CALCRL: variants seen among roughly 807,000 people sequenced by gnomAD.
The protein encoded by CALCRL is calcitonin receptor like receptor, also known as calcitonin gene-related peptide type 1 receptor.
In CALCRL, 27 loss-of-function variants were observed where a neutral mutation model predicts 60.4. The observed-to-expected ratio is 0.45, with a 90% CI of 0.33 to 0.62. The LOEUF (loss-of-function observed/expected upper bound fraction) is 0.62, where lower values mean the gene tolerates loss of function less well. Among genes scored for constraint, CALCRL ranks in the 20% least tolerant of loss-of-function variants. CALCRL has a pLI of 0.03. For missense variants in CALCRL, 424 were observed against 540.7 expected, an observed-to-expected ratio of 0.78 and a Z score of 2.14; for synonymous variants, 190 against 182.6, an observed-to-expected ratio of 1.04 and a Z score of -0.33.
At chr2:187,373,183 G>A (rs1360094218) in intron 8 of CALCRL, among the ~76,000 whole-genome samples, 1 of 151,982 alleles carries the variant, frequency 6.6e-6, no homozygotes, top group African/African-American at 2.4e-5. Context: ...GCTAAGCCCC[G>A]AGATGTGTAA....
chr2:187,346,515 A>G, intron 14 of CALCRL, 116 bp from the exon 15 acceptor site: 1 of 670,166 alleles, frequency 1.5e-6, no homozygotes, highest in South Asian at 2.0e-5. Flanking sequence ...AAAAAAAGTT[A>G]TGTTAATCAG....
In CALCRL at chr2:187,435,569, TC is replaced by T. The variant is rs1690599547; in HGVS notation, c.-293+12469del. Among the ~76,000 whole-genome samples, 5 of 152,258 alleles carry T rather than the reference TC, an allele frequency of 3.3e-5. No individual in the cohort carries two copies. In the South Asian group the frequency reaches 1.0e-3, roughly 32 times the overall value. ...ATAATATTCTACATACAAGAAATGT[TC>T]TTAATTATAAAGGTTTTTGTAGAAA... On this transcript the variant is annotated intron_variant, in intron 1 of 14. Coordinates refer to ENST00000392370, the MANE Select transcript of CALCRL (RefSeq NM_005795.6).
intron 12 of CALCRL, among the ~76,000 whole-genome samples, chr2:187,358,201 T>A (rs1011989): frequency 0.79 from 119,460 of 151,718 alleles, 47,479 homozygotes; most frequent in Middle Eastern, 0.86. Context: ...AAAAAATTTT[T>A]AAAAATTATC....
intron 1 of CALCRL, among the ~76,000 whole-genome samples, chr2:187,439,283 GA>G (rs1469927301): frequency 6.6e-6 from 1 of 152,114 alleles, no homozygotes; most frequent in East Asian, 1.9e-4. Context: ...AGGAGTTTGA[GA>G]CCAGCCTGGC....
At chr2:187,402,150 A>G (rs1282610771) in intron 1 of CALCRL, among the ~76,000 whole-genome samples, 2 of 151,614 alleles carry the variant, frequency 1.3e-5, no homozygotes, top group Admixed American at 1.3e-4. Flanking sequence ...CAAATACTAG[A>G]TATAACTCCA....
chr2:187,427,318 T>G (rs376289799), intron 1 of CALCRL, among the ~76,000 whole-genome samples: 160 of 152,284 alleles, frequency 1.1e-3, no homozygotes, highest in Admixed American at 3.3e-3. Flanking sequence ...ACTCACTTCA[T>G]AGGTCCTTGG....
chr2:187,383,228 T>C lies in CALCRL; in HGVS notation c.129A>G (p.Thr43=). The stretch of plus-strand genomic sequence containing the variant: ...TCTTTTGGTAACATTCATATTGAGC[T>C]GTCATGATTTTATTTCTAGTAACTC... The part of the protein sequence containing the change: ...QLGVTRNKIM[T]AQYECYQKIM... The change falls in exon 5 of 15, where the codon ACA becomes ACG. Residue 43 remains threonine (T), a synonymous_variant. Coordinates refer to ENST00000392370, the MANE Select transcript of CALCRL (RefSeq NM_005795.6). 6.2e-7 allele frequency: 1 copy of C among 1,612,920 alleles called. No homozygotes were observed. Among genetic ancestry groups the C allele is most frequent in the Non-Finnish European group, 8.5e-7 (1 of 1,179,670 alleles).
chr2:187,369,061 G>T lies in CALCRL; in HGVS notation c.501-5559C>A, dbSNP rs114401733. Among the ~76,000 whole-genome samples the T allele has an allele frequency of 1.1e-3, 161 of 152,118 alleles. 1 individual carries two copies. Among genetic ancestry groups the T allele is most frequent in the African/African-American group, 3.8e-3 (157 of 41,522 alleles). On this transcript the variant is annotated intron_variant, in intron 8 of 14. Transcript: ENST00000392370. ...GAAAGAGGGTGAGTATTTCAACCAA[G>T]GTGCTCAATGAAGGTCCTAGAGGAT...
chr2:187,436,474 G>A (rs1690650615), intron 1 of CALCRL: 1 of 152,050 alleles, frequency 6.6e-6, no homozygotes, highest in Non-Finnish European at 1.5e-5. Context: ...CGACCAATTG[G>A]GTTCAATCCT....
intron 14 of CALCRL, among the ~76,000 whole-genome samples, chr2:187,349,638 A>T (rs1335456351): frequency 6.6e-6 from 1 of 151,684 alleles, no homozygotes; most frequent in Non-Finnish European, 1.5e-5. Flanking sequence ...GAGGAACTGA[A>T]AGATTTGGGA....
intron 12 of CALCRL, 56 bp from the exon 13 acceptor site, chr2:187,352,388 C>T: frequency 9.9e-7 from 1 of 1,005,874 alleles, no homozygotes; most frequent in South Asian, 1.4e-5. Context: ...TATTAAGAAG[C>T]ATTATTCAAG....
intron 7 of CALCRL, among the ~76,000 whole-genome samples, chr2:187,379,674 T>C (rs148776959): frequency 8.3e-4 from 127 of 152,336 alleles, no homozygotes; most frequent in African/African-American, 3.0e-3. Context: ...ATAAACATAA[T>C]GATAGCTGGT....
intron 1 of CALCRL, among the ~76,000 whole-genome samples, chr2:187,398,392 T>C (rs189003778): frequency 6.6e-6 from 1 of 151,710 alleles, no homozygotes; most frequent in East Asian, 1.9e-4. Context: ...ATAAGCAAAA[T>C]TATGATATTC....
At chr2:187,365,354 C>G (rs1017512554) in intron 8 of CALCRL, among the ~76,000 whole-genome samples, 4 of 152,062 alleles carry the variant, frequency 2.6e-5, no homozygotes, top group Non-Finnish European at 4.4e-5. Context: ...TTTTAAAATG[C>G]CTGCTTTGAG....
intron 4 of CALCRL, among the ~76,000 whole-genome samples, chr2:187,384,639 A>G (rs368838365): frequency 3.3e-5 from 5 of 152,328 alleles, no homozygotes; most frequent in African/African-American, 1.2e-4. Flanking sequence ...AATGTTTTCA[A>G]ATACAAATGC....
intron 1 of CALCRL, among the ~76,000 whole-genome samples, chr2:187,427,694 T>C (rs1463358548): frequency 6.6e-6 from 1 of 152,072 alleles, no homozygotes; most frequent in African/African-American, 2.4e-5. Flanking sequence ...ATAAATGTTA[T>C]CAGGTGCTCA....
chr2:187,381,320 G>C (rs1004774504), intron 5 of CALCRL, among the ~76,000 whole-genome samples: 11 of 151,976 alleles, frequency 7.2e-5, no homozygotes, highest in African/African-American at 2.7e-4. Flanking sequence ...AAATAAGGTA[G>C]AATGTTCAAT....
chr2:187,378,638 C>G (rs1687864298), intron 8 of CALCRL, among the ~76,000 whole-genome samples: 3 of 151,998 alleles, frequency 2.0e-5, no homozygotes, highest in East Asian at 3.9e-4. Context: ...ATTAAGAAGG[C>G]CTATACTATT....
Position 187,351,014 on chromosome 2 carries a change from G to A in CALCRL, c.1170+906C>T, listed in dbSNP as rs1375304744. Among the ~76,000 whole-genome samples the A allele has an allele frequency of 3.5e-3, 11 of 3,110 alleles. 5 individuals carry two copies. Among genetic ancestry groups the A allele is most frequent in the African/African-American group, 0.029 (11 of 374 alleles). 2.0% of individuals were successfully genotyped at this position (3,110 alleles called of 152,430 possible). ...CATAAGAAATATGTTGGCTGGGCGC[G>A]GTGGCTCACGCCTGTAATCCCAGCA... On this transcript the variant is annotated intron_variant, in intron 14 of 14. Transcript: ENST00000392370.
Sources: allele counts gnomAD v4.1 joint callset (sites outside exome capture counted in the v4.1 genomes callset), GRCh38; gene constraint gnomAD v4.1.1; transcripts MANE v1.5; gene names NCBI Gene and HGNC (gene_info 2026-07-23, HGNC 2026-07-21).